FAM83D: variants seen among roughly 807,000 people sequenced by gnomAD.
FAM83D encodes the protein protein FAM83D.
A neutral mutation model predicts 25.4 loss-of-function variants in FAM83D; 26 were observed. The ratio of observed to expected loss-of-function variants is 1.02; its 90% confidence interval spans 0.75 to 1.42. The LOEUF (loss-of-function observed/expected upper bound fraction) is 1.42, where lower values mean the gene tolerates loss of function less well. FAM83D is among the 40% of genes most tolerant of loss of function. The pLI, the probability that FAM83D is intolerant of heterozygous loss-of-function variation, is 0.00. For missense variants in FAM83D, 740 were observed against 758.1 expected (o/e 0.98, Z 0.28); for synonymous variants, 310 against 318.5 (o/e 0.97, Z 0.28).
chr20:38,950,825 G>C (rs1480504690), intron 3 of FAM83D, among the ~76,000 whole-genome samples: 2 of 149,546 alleles, frequency 1.3e-5, no homozygotes, highest in Non-Finnish European at 2.9e-5. Context: ...TTAATTTTTT[G>C]AGATGGAGTC....
intron 1 of FAM83D, among the ~76,000 whole-genome samples, chr20:38,936,265 G>A (rs554934763): frequency 9.2e-5 from 14 of 152,294 alleles, no homozygotes; most frequent in African/African-American, 3.4e-4. Flanking sequence ...GGGGCCTGTT[G>A]GGGCTGCACA....
chr20:38,941,011 A>T (rs16987692), intron 1 of FAM83D, among the ~76,000 whole-genome samples: 20,933 of 152,272 alleles, frequency 0.14, 1,536 homozygotes, highest in Middle Eastern at 0.19. Context: ...CCAGGAATGC[A>T]TGGCTAAAAG....
chr20:38,926,779 T>C lies in FAM83D; in HGVS notation c.337T>C (p.Leu113=). 1 of 1,547,806 alleles carries C rather than the reference T, an allele frequency of 6.5e-7. No individual in the cohort carries two copies. Among genetic ancestry groups the C allele is most frequent in the Non-Finnish European group, 8.7e-7 (1 of 1,152,776 alleles). The stretch of plus-strand genomic sequence containing the variant: ...GCAGTCGGACCTGGAGCCACCGCTG[T>C]TGGAGCTTGGCTGGCCCGCCTTCTA... ...PEQSDLEPPL[L]ELGWPAFYQG... The change falls in exon 1 of 4, where the codon TTG becomes CTG. Residue 113 remains leucine, a synonymous_variant. Coordinates refer to ENST00000619850, the MANE Select transcript of FAM83D (RefSeq NM_030919.3).
rs111778231 is a variant in FAM83D, at chr20:38,929,503, A to G, written c.483+2578A>G. Among the ~76,000 whole-genome samples, 1,489 of 152,184 alleles carry G rather than the reference A, an allele frequency of 9.8e-3. 27 individuals are homozygous for G. Among genetic ancestry groups the G allele is most frequent in the African/African-American group, 0.034 (1,425 of 41,512 alleles). On this transcript the variant is annotated intron_variant, in intron 1 of 3. Transcript: ENST00000619850. Reference sequence around the variant, plus strand: ...ACCTGGAATGTTTGGGGGCAGCCAAATTCCCCACAGCGGGTTAGTGGTAGG... The same window carrying G: ...ACCTGGAATGTTTGGGGGCAGCCAAGTTCCCCACAGCGGGTTAGTGGTAGG...
intron 1 of FAM83D, among the ~76,000 whole-genome samples, chr20:38,939,626 C>T (rs1398935961): frequency 2.0e-5 from 3 of 152,214 alleles, no homozygotes. Context: ...ACTGGGATTA[C>T]AGGCATGAGC....
chr20:38,939,118 G>A (rs2085690796), intron 1 of FAM83D, among the ~76,000 whole-genome samples: 1 of 152,120 alleles, frequency 6.6e-6, no homozygotes, highest in African/African-American at 2.4e-5. Flanking sequence ...CAGCCAGACT[G>A]GTACATACCC....
intron 1 of FAM83D, among the ~76,000 whole-genome samples, chr20:38,929,952 G>C (rs1202254784): frequency 6.6e-6 from 1 of 152,214 alleles, no homozygotes; most frequent in Non-Finnish European, 1.5e-5. Context: ...GAAGGAGCCT[G>C]TACTCAAATT....
chr20:38,946,197 C>CAAAAA (rs56740383), intron 2 of FAM83D, among the ~76,000 whole-genome samples: 13 of 78,512 alleles, frequency 1.7e-4, no homozygotes, highest in East Asian at 3.9e-4. Context: ...GACTCCACCT[C>CAAAAA]AAAAAAAAAA....
intron 1 of FAM83D, among the ~76,000 whole-genome samples, chr20:38,937,895 T>C (rs745490075): frequency 4.6e-5 from 7 of 151,064 alleles, no homozygotes; most frequent in Non-Finnish European, 1.0e-4. Flanking sequence ...GAGGCGGAGG[T>C]TGCAGTGAGC....
At chr20:38,935,163 A>G (rs974428299) in intron 1 of FAM83D, among the ~76,000 whole-genome samples, 2 of 152,202 alleles carry the variant, frequency 1.3e-5, no homozygotes, top group African/African-American at 2.4e-5. Flanking sequence ...CTTTGAAAGT[A>G]CCTTGTTTTG....
chr20:38,946,121 A>G (rs2085726766), intron 2 of FAM83D, among the ~76,000 whole-genome samples: 1 of 149,508 alleles, frequency 6.7e-6, no homozygotes, highest in African/African-American at 2.5e-5. Flanking sequence ...GAGGCAGGAG[A>G]ATTGCTTGAA....
At chr20:38,942,405 C>T (rs2085706836) in intron 2 of FAM83D, among the ~76,000 whole-genome samples, 1 of 152,148 alleles carries the variant, frequency 6.6e-6, no homozygotes, top group East Asian at 1.9e-4. Context: ...GGAAACAATC[C>T]AATGCCAATC....
chr20:38,952,511 C>T lies in FAM83D; in HGVS notation c.1749C>T (p.Ser583=). The part of the protein sequence containing the change: ...LAVRDVALYP[S]YQ ...TTAGAGATGTAGCACTTTATCCTTCCTATCAGTAACTGCTCCGTGTTCAGA... is the reference window on the plus strand; with the variant it reads ...TTAGAGATGTAGCACTTTATCCTTCTTATCAGTAACTGCTCCGTGTTCAGA... Residue 583 remains serine (S), a synonymous_variant, in exon 4 of 4, where the codon TCC becomes TCT. Coordinates refer to ENST00000619850, the MANE Select transcript of FAM83D (RefSeq NM_030919.3). 1 of 1,611,634 alleles carries T rather than the reference C, an allele frequency of 6.2e-7. No homozygotes were observed. The highest frequency in any genetic ancestry group is 8.5e-7 in the Non-Finnish European group (1 of 1,178,346).
intron 2 of FAM83D, 84 bp downstream of exon 2, chr20:38,942,210 A>G (rs1601334971): frequency 1.4e-6 from 2 of 1,457,866 alleles, no homozygotes; most frequent in Non-Finnish European, 1.9e-6. Flanking sequence ...TGGTGGCGGT[A>G]TCCCTGTTTA....
intron 3 of FAM83D, 41 bp from the exon 4 acceptor site, chr20:38,951,498 C>T: frequency 8.3e-6 from 13 of 1,573,846 alleles, no homozygotes; most frequent in African/African-American, 4.1e-5. Flanking sequence ...CAAAATTGCT[C>T]ATCCTTACCA....
At position 38,926,431 on chromosome 20, in the gene FAM83D, C is replaced by A. The variant is rs781044152; in HGVS notation, c.-12C>A. ...GGTTTTTGTCCGAGGGCTGTCGAGTCCGAGCGCCGCCATGGCTCTGCTGTC... is the reference window on the plus strand; with the variant it reads ...GGTTTTTGTCCGAGGGCTGTCGAGTACGAGCGCCGCCATGGCTCTGCTGTC... On this transcript the variant is annotated 5_prime_UTR_variant, in exon 1 of 4. Coordinates refer to ENST00000619850, the MANE Select transcript of FAM83D (RefSeq NM_030919.3). 9 of 1,597,664 alleles carry A rather than the reference C, an allele frequency of 5.6e-6. No individual in the cohort carries two copies. The highest frequency in any genetic ancestry group is 7.6e-6 in the Non-Finnish European group (9 of 1,178,636).
chr20:38,940,039 C>A (rs73908212), intron 1 of FAM83D, among the ~76,000 whole-genome samples: 3,218 of 152,264 alleles, frequency 0.021, 125 homozygotes, highest in African/African-American at 0.074. Context: ...TGTTGTATGA[C>A]CCGAATGAGT....
Position 38,941,998 on chromosome 20 carries a change from A to G in FAM83D, c.523A>G (p.Ile175Val). The change falls in exon 2 of 4, where the codon ATC becomes GTC. Residue 175 changes from isoleucine (I) to valine (V), a missense_variant. By Grantham distance (29) the Ile-to-Val change is conservative. Transcript: ENST00000619850. ...CATGGACGTGTTCACAGACATCGAC[A>G]TCTTCAGAGACCTGCAAGAAATATG... Reference protein sequence around the residue: ...VVMDVFTDIDIFRDLQEICRK... With the variant: ...VVMDVFTDIDVFRDLQEICRK... 1 of 1,614,242 alleles carries G rather than the reference A, an allele frequency of 6.2e-7. No homozygotes were observed. Among genetic ancestry groups the G allele is most frequent in the Non-Finnish European group, 8.5e-7 (1 of 1,180,044 alleles).
chr20:38,950,439 C>T (rs62204121), intron 3 of FAM83D, among the ~76,000 whole-genome samples: 22,844 of 152,058 alleles, frequency 0.15, 1,898 homozygotes, highest in African/African-American at 0.22. Context: ...GAAGGGACAC[C>T]GTACAGGCAA....
Sources: allele counts gnomAD v4.1 joint callset (sites outside exome capture counted in the v4.1 genomes callset), GRCh38; gene constraint gnomAD v4.1.1; transcripts MANE v1.5; gene names NCBI Gene and HGNC (gene_info 2026-07-23, HGNC 2026-07-21).